Variants in DLGAP1 observed in about 807,000 individuals in gnomAD.
DLGAP1 encodes the protein disks large-associated protein 1.
Under a neutral mutation model 90.8 loss-of-function variants are expected in DLGAP1, and 11 were observed. The observed-to-expected ratio is 0.12, with a 90% CI of 0.08 to 0.20. The LOEUF is 0.20. DLGAP1 is among the 10% of genes least tolerant of loss of function. The probability of loss-of-function intolerance (pLI) is 1.00; values close to 1 mark genes in which losing one functional copy is unlikely to be tolerated. For synonymous variants in DLGAP1, 558 were observed against 540.7 expected (o/e 1.03, Z -0.44); for missense variants, 1,050 against 1,333.8 (o/e 0.79, Z 3.31).
chr18:3,914,275 G>A (rs74428569), intron 3 of DLGAP1, among the ~76,000 whole-genome samples: 4,360 of 152,192 alleles, frequency 0.029, 203 homozygotes, highest in African/African-American at 0.096. Flanking sequence ...CCAGTCTTTT[G>A]GAGTCCACAT....
intron 10 of DLGAP1, among the ~76,000 whole-genome samples, chr18:3,523,803 G>A (rs531401269): frequency 4.0e-5 from 6 of 150,052 alleles, no homozygotes; most frequent in East Asian, 2.0e-4. Context: ...AGCTGAGATA[G>A]CGCCACTGCA....
chr18:3,928,187 C>T (rs183888825), intron 3 of DLGAP1, among the ~76,000 whole-genome samples: 7 of 152,314 alleles, frequency 4.6e-5, no homozygotes, highest in Admixed American at 1.3e-4. Flanking sequence ...GCATCTAATG[C>T]TCAAGACATT....
At position 3,509,220 on chromosome 18, in the gene DLGAP1, G is replaced by A. The variant is rs73377682; in HGVS notation, c.2480-559C>T. On this transcript the variant is annotated intron_variant, in intron 10 of 12. Coordinates refer to ENST00000315677, the MANE Select transcript of DLGAP1 (RefSeq NM_004746.4). ...CCACTGGTACCGTCAGGAAAGAGCT[G>A]TGGCTGATTAAAATATTTTCTAAGG... Among the ~76,000 whole-genome samples, 416 of 152,302 alleles carry A rather than the reference G, an allele frequency of 2.7e-3. 1 individual carries two copies. The highest frequency in any genetic ancestry group is 0.02 in the Middle Eastern group (6 of 294).
At chr18:3,801,967 T>TTTTGTTTGTTTG (rs142836478) in intron 5 of DLGAP1, among the ~76,000 whole-genome samples, 1 of 102,644 alleles carries the variant, frequency 9.7e-6, no homozygotes, top group African/African-American at 2.9e-5. Flanking sequence ...CCATCTGTGT[T>TTTTGTTTGTTTG]TTTGTTTGTT....
chr18:4,135,050 T>C (rs769310447), intron 2 of DLGAP1, among the ~76,000 whole-genome samples: 10 of 152,070 alleles, frequency 6.6e-5, no homozygotes, highest in Middle Eastern at 3.4e-3. Context: ...ACCAGCAGAG[T>C]ACGTAGTGTT....
chr18:3,969,402 A>G (rs910374734), intron 3 of DLGAP1, among the ~76,000 whole-genome samples: 1 of 152,166 alleles, frequency 6.6e-6, no homozygotes, highest in Non-Finnish European at 1.5e-5. Context: ...GTTCTGTCAC[A>G]TTTTACTCAA....
At chr18:3,563,346 C>T (rs962468151) in intron 9 of DLGAP1, among the ~76,000 whole-genome samples, 1 of 152,088 alleles carries the variant, frequency 6.6e-6, no homozygotes, top group Non-Finnish European at 1.5e-5. Flanking sequence ...GTTATTATTG[C>T]TTCTAATATT....
At chr18:3,767,942 T>C (rs533114606) in intron 5 of DLGAP1, among the ~76,000 whole-genome samples, 2 of 152,138 alleles carry the variant, frequency 1.3e-5, no homozygotes, top group African/African-American at 2.4e-5. Context: ...ATAAAAGGCA[T>C]AGAGTTGGAA....
intron 3 of DLGAP1, among the ~76,000 whole-genome samples, chr18:3,942,507 A>G (rs2072789459): frequency 6.6e-6 from 1 of 152,192 alleles, no homozygotes; most frequent in Non-Finnish European, 1.5e-5. Context: ...CTAGTAAGTA[A>G]GTTCTAGGAA....
intron 7 of DLGAP1, among the ~76,000 whole-genome samples, chr18:3,726,886 A>T (rs950738116): frequency 2.0e-5 from 3 of 152,200 alleles, no homozygotes; most frequent in African/African-American, 4.8e-5. Flanking sequence ...CATAGAGTCC[A>T]AGAAGGAGCA....
chr18:4,079,422 A>T (rs572737516), intron 2 of DLGAP1, among the ~76,000 whole-genome samples: 2 of 152,160 alleles, frequency 1.3e-5, no homozygotes, highest in African/African-American at 4.8e-5. Context: ...TTCTAAGCAA[A>T]GTAACTCAGG....
At chr18:3,618,353 A>G (rs945547392) in intron 7 of DLGAP1, among the ~76,000 whole-genome samples, 3 of 152,168 alleles carry the variant, frequency 2.0e-5, no homozygotes, top group Non-Finnish European at 2.9e-5. Context: ...TATCAAAGCC[A>G]TGCCTTGAGA....
rs758188816 is a variant in DLGAP1 at position 3,879,898 on chromosome 18, G to A, written c.171C>T (p.Cys57=). The A allele has an allele frequency of 1.4e-5, 22 of 1,612,020 alleles. No individual in the cohort carries two copies. Among genetic ancestry groups the A allele is most frequent in the East Asian group, 4.5e-5 (2 of 44,866 alleles). The change falls in exon 4 of 13, where the codon TGC becomes TGT. Residue 57 remains cysteine, a synonymous_variant. Coordinates refer to ENST00000315677, the MANE Select transcript of DLGAP1 (RefSeq NM_004746.4). The surrounding 1 kb of genome is among the most constrained non-coding windows in gnomAD (Gnocchi z 6.6). ...YTQRNSFQAE[C]VGPFSDPLAS... ...CCAGCGGGTCGCTGAAGGGGCCCACGCACTCAGCCTGGAAGGAGTTCCGCT... is the reference window on the plus strand; with the variant it reads ...CCAGCGGGTCGCTGAAGGGGCCCACACACTCAGCCTGGAAGGAGTTCCGCT...
chr18:3,556,399 C>T (rs1411533418), intron 9 of DLGAP1, among the ~76,000 whole-genome samples: 1 of 152,188 alleles, frequency 6.6e-6, no homozygotes, highest in African/African-American at 2.4e-5. Flanking sequence ...TTCACTGCCC[C>T]AGACATCCTC....
chr18:4,215,078 T>C lies in DLGAP1; in HGVS notation c.-266-63791A>G, dbSNP rs114387680. ...AAATTTGTTCTCTTTATTCTCACTTTATTGTATTTTGCTCCAGTTTCCCTT... is the reference window on the plus strand; with the variant it reads ...AAATTTGTTCTCTTTATTCTCACTTCATTGTATTTTGCTCCAGTTTCCCTT... On this transcript the variant is annotated intron_variant, in intron 1 of 12. Coordinates refer to ENST00000315677, the MANE Select transcript of DLGAP1 (RefSeq NM_004746.4). Among the ~76,000 whole-genome samples the C allele has an allele frequency of 1.7e-3, 260 of 152,292 alleles. 1 individual carries two copies. The highest frequency in any genetic ancestry group is 6.1e-3 in the African/African-American group (254 of 41,576).
At chr18:3,786,026 C>T (rs1381491745) in intron 5 of DLGAP1, among the ~76,000 whole-genome samples, 1 of 152,186 alleles carries the variant, frequency 6.6e-6, no homozygotes, top group Non-Finnish European at 1.5e-5. Context: ...TCCTCCAATG[C>T]TTCCTTCTCT....
In DLGAP1 at chr18:3,720,888, C is replaced by CCAAAAAAAAAAAAAAAAAAAAAAA. The variant is rs1441095000; in HGVS notation, c.1591+8246_1591+8247insTTTTTTTTTTTTTTTTTTTTTTTG. Among the ~76,000 whole-genome samples, 79 of 50,302 alleles carry CCAAAAAAAAAAAAAAAAAAAAAAA rather than the reference C, an allele frequency of 1.6e-3. 11 individuals are homozygous for CCAAAAAAAAAAAAAAAAAAAAAAA. The highest frequency in any genetic ancestry group is 5.8e-3 in the African/African-American group (73 of 12,482). The allele number at this position is 50,302 out of a possible 152,430, so 33.0% of individuals were successfully genotyped here. A position where few individuals can be genotyped will look rare whatever the true frequency, so the allele number is the denominator to read the frequency against. On this transcript the variant is annotated intron_variant, in intron 7 of 12. Transcript: ENST00000315677. ...GCAACATACTAAGACCTTGTCTCTACAAAAAAAAAAAAAAAAAAAAATTAG... is the reference window on the plus strand; with the variant it reads ...GCAACATACTAAGACCTTGTCTCTACCAAAAAAAAAAAAAAAAAAAAAAAAAAAAAAAAAAAAAAAAAAAATTAG...
chr18:3,943,542 T>C (rs962441992), intron 3 of DLGAP1, among the ~76,000 whole-genome samples: 1 of 150,550 alleles, frequency 6.6e-6, no homozygotes, highest in Non-Finnish European at 1.5e-5. Context: ...TTTTATGAAT[T>C]TGCAAATCGG....
intron 3 of DLGAP1, among the ~76,000 whole-genome samples, chr18:3,947,273 CT>C (rs1331623285): frequency 6.6e-6 from 1 of 152,178 alleles, no homozygotes; most frequent in Non-Finnish European, 1.5e-5. Context: ...CTTCCAAGTT[CT>C]TTCCGTTTCT....
Sources: allele counts gnomAD v4.1 joint callset (sites outside exome capture counted in the v4.1 genomes callset), GRCh38; gene constraint gnomAD v4.1.1; non-coding constraint Gnocchi (gnomAD v3.1); transcripts MANE v1.5; gene names NCBI Gene and HGNC (gene_info 2026-07-23, HGNC 2026-07-21).